PABPC4: variants seen among roughly 807,000 people sequenced by gnomAD.
PABPC4 encodes the protein poly(A) binding protein cytoplasmic 4.
Under a neutral mutation model 74.5 loss-of-function variants are expected in PABPC4, and 15 were observed. The ratio of observed to expected loss-of-function variants is 0.20; its 90% confidence interval spans 0.13 to 0.31. PABPC4 has a LOEUF of 0.31. Among genes scored for constraint, PABPC4 ranks in the 10% least tolerant of loss-of-function variants. The pLI is 1.00. For synonymous variants in PABPC4, 345 were observed against 303.0 expected, an observed-to-expected ratio of 1.14 and a Z score of -1.44; for missense variants, 610 against 853.5, an observed-to-expected ratio of 0.71 and a Z score of 3.55.
At chr1:39,571,150 G>A (rs1645934253) in intron 3 of PABPC4, 84 bp downstream of exon 3, 1 of 1,602,250 alleles carries the variant, frequency 6.2e-7, no homozygotes, top group Non-Finnish European at 8.5e-7. Context: ...AGAACCAGTA[G>A]CCGCCTTGTG....
intron 1 of PABPC4, among the ~76,000 whole-genome samples, chr1:39,573,774 G>A (rs868170697): frequency 2.6e-5 from 4 of 152,274 alleles, no homozygotes; most frequent in South Asian, 4.1e-4. Flanking sequence ...AGCTGAGATC[G>A]CGCCATTGCA....
chr1:39,571,402 T>C (rs1203382594), intron 2 of PABPC4, 53 bp from the exon 3 acceptor site: 65 of 1,606,344 alleles, frequency 4.0e-5, no homozygotes, highest in Non-Finnish European at 3.2e-5. Context: ...TCCTGAGACA[T>C]GAGAACCTCA....
In PABPC4 at chr1:39,562,310, G is replaced by A. The variant is rs1645778209; in HGVS notation, c.1762+13C>T. On this transcript the variant is annotated intron_variant, in intron 13 of 15. Transcript: ENST00000372858. ...TGGGACCCTCTTCTTCTGCAAGCAA[G>A]TGGGTCACTCACCCAGCATCTGCTT... The A allele has an allele frequency of 1.9e-6, 3 of 1,613,068 alleles. No homozygotes were observed. The highest frequency in any genetic ancestry group is 1.6e-4 in the Middle Eastern group (1 of 6,076).
intron 14 of PABPC4, 114 bp downstream of exon 14, chr1:39,561,959 G>A (rs1031479254): frequency 1.3e-5 from 17 of 1,290,150 alleles, no homozygotes; most frequent in Non-Finnish European, 1.5e-5. Flanking sequence ...AAGGCATGAC[G>A]AGAGGGGTCC....
intron 7 of PABPC4, among the ~76,000 whole-genome samples, chr1:39,566,655 C>A (rs906978257): frequency 3.9e-5 from 6 of 152,172 alleles, no homozygotes; most frequent in South Asian, 2.1e-4. Context: ...AACTCTCTAC[C>A]AATGAGATGG....
At chr1:39,561,893 A>C in intron 14 of PABPC4, 106 bp from the exon 15 acceptor site, 2 of 1,194,866 alleles carry the variant, frequency 1.7e-6, no homozygotes, top group African/African-American at 3.0e-5. Flanking sequence ...GATGATCCCT[A>C]GGCTTCTGGT....
At chr1:39,563,137 G>C (rs1645787160) in intron 12 of PABPC4, 1 of 168,590 alleles carries the variant, frequency 5.9e-6, no homozygotes, top group Non-Finnish European at 1.3e-5. Context: ...TAGAGCACAG[G>C]TCTAGAGACA....
rs1317641202 is a variant in PABPC4 at position 39,561,844 on chromosome 1, A to G, written c.1894-57T>C. ...TAGGAGAGCTACTCCACCCCTCCCC[A>G]GTGCCCAGACCTAGTGGTGGACCAA... is the stretch of plus-strand genomic sequence containing the variant. On this transcript the variant is annotated intron_variant, in intron 14 of 15. Coordinates refer to ENST00000372858, the MANE Select transcript of PABPC4 (RefSeq NM_001135653.2). The G allele has an allele frequency of 2.0e-6, 3 of 1,476,530 alleles. No individual in the cohort carries two copies. The Admixed American group carries it at 5.1e-5, about 25-fold the overall frequency. 91.5% of individuals were successfully genotyped at this position (1,476,530 alleles called of 1,614,324 possible).
chr1:39,565,111 G>A lies in PABPC4; in HGVS notation c.1240C>T (p.Pro414Ser), dbSNP rs747918763. Reference protein sequence around the residue: ...AAGGYFVPAVPQAQGRPPYYT... With the variant: ...AAGGYFVPAVSQAQGRPPYYT... ...TGACCAAACAGCACACCCACCTGTG[G>A]GACTGCTGGCACAAAGTAGCCACCC... Residue 414 changes from proline to serine, a missense_variant, in exon 8 of 16, where the codon CCA becomes TCA. By Grantham distance (74) the Pro-to-Ser change is moderately conservative. Coordinates refer to ENST00000372858, the MANE Select transcript of PABPC4 (RefSeq NM_001135653.2). The A allele has an allele frequency of 2.5e-6, 4 of 1,613,656 alleles. No individual in the cohort carries two copies. Among genetic ancestry groups the A allele is most frequent in the Non-Finnish European group, 3.4e-6 (4 of 1,179,978 alleles).
At chr1:39,566,768 C>G (rs769603366) in intron 7 of PABPC4, among the ~76,000 whole-genome samples, 3 of 152,132 alleles carry the variant, frequency 2.0e-5, no homozygotes, top group Non-Finnish European at 4.4e-5. Flanking sequence ...AACTTGACTA[C>G]TAGGCAGATA....
chr1:39,571,139 G>A (rs1164080699), intron 3 of PABPC4, 95 bp downstream of exon 3: 5 of 1,594,438 alleles, frequency 3.1e-6, no homozygotes, highest in East Asian at 4.5e-5. Flanking sequence ...CACTTGGGCC[G>A]AGAACCAGTA....
At position 39,562,302 on chromosome 1, in the gene PABPC4, G is replaced by T. The variant is rs367597534; in HGVS notation, c.1762+21C>A. On this transcript the variant is annotated intron_variant, in intron 13 of 15. Transcript: ENST00000372858. The stretch of plus-strand genomic sequence containing the variant: ...TCAGGCTCTGGGACCCTCTTCTTCT[G>T]CAAGCAAGTGGGTCACTCACCCAGC... 21 of 1,611,242 alleles carry T rather than the reference G, an allele frequency of 1.3e-5. No homozygotes were observed. In the African/African-American group the frequency reaches 2.5e-4, roughly 19 times the overall value.
At position 39,562,142 on chromosome 1, in the gene PABPC4, T is replaced by G; in HGVS notation, c.1824A>C (p.Gly608=). Residue 608 remains glycine, a synonymous_variant, in exon 14 of 16, where the codon GGA becomes GGC. Coordinates refer to ENST00000372858, the MANE Select transcript of PABPC4 (RefSeq NM_001135653.2). ...MHSNLAGKIT[G]MLLEIDNSEL... ...CAGAGTTGTCTATCTCCAGCAGCAT[T>G]CCCGTGATCTTCCCAGCCAGATTTG... 1.9e-6 allele frequency: 3 copies of G among 1,614,084 alleles called. No individual in the cohort carries two copies. The highest frequency in any genetic ancestry group is 2.5e-6 in the Non-Finnish European group (3 of 1,179,994).
At chr1:39,565,896 A>AC (rs1645831441) in intron 7 of PABPC4, among the ~76,000 whole-genome samples, 1 of 152,116 alleles carries the variant, frequency 6.6e-6, no homozygotes, top group African/African-American at 2.4e-5. Context: ...AACAAAAAAA[A>AC]CAAAACAAAC....
chr1:39,564,804 C>A, intron 8 of PABPC4, 31 bp from the exon 9 acceptor site: 1 of 1,534,062 alleles, frequency 6.5e-7, no homozygotes. Context: ...CAAACACCCC[C>A]TTAAGGACTG....
chr1:39,569,477 G>A (rs1263010188), intron 5 of PABPC4, 118 bp downstream of exon 5: 1 of 734,708 alleles, frequency 1.4e-6, no homozygotes, highest in South Asian at 1.6e-5. Context: ...GTATAGTAAT[G>A]GTACATCTAC....
At position 39,562,074 on chromosome 1, in the gene PABPC4, T is replaced by C; in HGVS notation, c.1892A>G (p.Lys631Arg). The C allele has an allele frequency of 6.2e-7, 1 of 1,612,662 alleles. No individual in the cohort carries two copies. Among genetic ancestry groups the C allele is most frequent in the Non-Finnish European group, 8.5e-7 (1 of 1,179,878 alleles). ...MLESPESLRS[K>R]VDEAVAVLQA... Reference sequence around the variant, plus strand: ...TGCAGGGTCTGAGCCCCAGCTCACCTTGGAGCGGAGAGACTCGGGGGACTC... The same window carrying C: ...TGCAGGGTCTGAGCCCCAGCTCACCCTGGAGCGGAGAGACTCGGGGGACTC... The change falls in exon 14 of 16, where the codon AAG (lysine) becomes AGG (arginine). Residue 631 changes from lysine to arginine, a missense_variant and splice_region_variant. Physicochemically the swap from Lys to Arg is conservative, Grantham distance 26. Around this residue, in one of 4 missense-constraint regions of PABPC4, gnomAD observed 29 missense variants for 51.6 expected, o/e 0.56. Transcript: ENST00000372858.
chr1:39,571,179 G>T, intron 3 of PABPC4, 55 bp downstream of exon 3: 1 of 1,611,646 alleles, frequency 6.2e-7, no homozygotes, highest in South Asian at 1.1e-5. Context: ...TTAATAGCGA[G>T]GTGGGGCCAC....
intron 12 of PABPC4, 90 bp from the exon 13 acceptor site, chr1:39,562,506 C>A (rs1645780261): frequency 1.1e-6 from 1 of 931,580 alleles, no homozygotes; most frequent in African/African-American, 1.6e-5. Flanking sequence ...GAACATCTGA[C>A]TATGTGAAAG....
Sources: allele counts gnomAD v4.1 joint callset (sites outside exome capture counted in the v4.1 genomes callset), GRCh38; gene constraint gnomAD v4.1.1; regional missense constraint gnomAD v4.1.1; transcripts MANE v1.5; gene names NCBI Gene and HGNC (gene_info 2026-07-23, HGNC 2026-07-21).